ASTN2: variants seen among roughly 807,000 people sequenced by gnomAD.
ASTN2 encodes astrotactin 2.
ASTN2 carries 54 observed loss-of-function variants against 139.8 expected under a neutral mutation model. The observed-to-expected ratio is 0.39, with a 90% CI of 0.31 to 0.48. The LOEUF (loss-of-function observed/expected upper bound fraction) is 0.48. Ranked by LOEUF, ASTN2 falls within the 20% of genes least tolerant of loss-of-function variation. The pLI is 0.95. For synonymous variants in ASTN2, 756 were observed against 719.5 expected, an observed-to-expected ratio of 1.05 and a Z score of -0.81; for missense variants, 1,565 against 1,725.1, an observed-to-expected ratio of 0.91 and a Z score of 1.64.
At chr9:116,583,201 G>C (rs1325838501) in intron 19 of ASTN2, 1 of 152,154 alleles carries the variant, frequency 6.6e-6, no homozygotes, top group African/African-American at 2.4e-5. Context: ...CTTTAATAAA[G>C]TGATTTGTCT....
intron 2 of ASTN2, among the ~76,000 whole-genome samples, chr9:117,280,857 C>T (rs1834307688): frequency 6.6e-6 from 1 of 151,954 alleles, no homozygotes; most frequent in Non-Finnish European, 1.5e-5. Flanking sequence ...CCACAAATAC[C>T]CTATATCTTC....
intron 1 of ASTN2, among the ~76,000 whole-genome samples, chr9:117,320,924 T>A (rs1232250189): frequency 6.6e-6 from 1 of 152,230 alleles, no homozygotes; most frequent in Non-Finnish European, 1.5e-5. Flanking sequence ...ATGTGAAACC[T>A]GCAGAGGCAT....
intron 10 of ASTN2, among the ~76,000 whole-genome samples, chr9:116,885,695 A>T (rs11793010): frequency 0.013 from 2,021 of 152,234 alleles, 19 homozygotes; most frequent in Non-Finnish European, 0.018. Context: ...AAACAAACAA[A>T]AAAAAACCTC....
At chr9:116,560,335 G>T (rs1016469090) in intron 19 of ASTN2, among the ~76,000 whole-genome samples, 1 of 152,148 alleles carries the variant, frequency 6.6e-6, no homozygotes, top group African/African-American at 2.4e-5. Context: ...TAACTGCGGA[G>T]GCAGTGATTA....
intron 17 of ASTN2, among the ~76,000 whole-genome samples, chr9:116,644,997 A>G (rs1292151589): frequency 2.0e-5 from 3 of 152,212 alleles, no homozygotes; most frequent in Non-Finnish European, 4.4e-5. Flanking sequence ...AGCCTAGTTC[A>G]GATTCCTAGT....
At chr9:116,943,898 A>G (rs957945657) in intron 10 of ASTN2, among the ~76,000 whole-genome samples, 8 of 152,244 alleles carry the variant, frequency 5.3e-5, no homozygotes, top group Admixed American at 2.6e-4. Flanking sequence ...GCATAGCTCT[A>G]TGATGAGTAC....
chr9:116,523,456 G>A (rs1850964928), intron 19 of ASTN2, among the ~76,000 whole-genome samples: 2 of 152,130 alleles, frequency 1.3e-5, no homozygotes, highest in Admixed American at 6.6e-5. Flanking sequence ...GGCTGACCTG[G>A]TATAGAAAAA....
chr9:116,819,974 C>G (rs1831439178), intron 12 of ASTN2, among the ~76,000 whole-genome samples: 2 of 152,218 alleles, frequency 1.3e-5, no homozygotes, highest in Non-Finnish European at 2.9e-5. Context: ...CATGACTTGT[C>G]AGAAGTCACT....
At chr9:116,761,234 C>T (rs1829665020) in intron 13 of ASTN2, among the ~76,000 whole-genome samples, 1 of 152,202 alleles carries the variant, frequency 6.6e-6, no homozygotes, top group South Asian at 2.1e-4. Context: ...CAGGCATGAA[C>T]CTAGGCTCTC....
intron 12 of ASTN2, among the ~76,000 whole-genome samples, chr9:116,808,395 C>T (rs745783512): frequency 7.2e-5 from 11 of 152,022 alleles, no homozygotes; most frequent in Admixed American, 5.9e-4. Flanking sequence ...ACACACACAT[C>T]TCATAATAAA....
chr9:117,300,263 C>T (rs1156582093), intron 1 of ASTN2, among the ~76,000 whole-genome samples: 1 of 152,140 alleles, frequency 6.6e-6, no homozygotes, highest in Non-Finnish European at 1.5e-5. Context: ...TCCTTTGTTC[C>T]CTCTAAGCAG....
intron 3 of ASTN2, among the ~76,000 whole-genome samples, chr9:117,145,368 C>T (rs1830171712): frequency 6.6e-6 from 1 of 152,194 alleles, no homozygotes; most frequent in Non-Finnish European, 1.5e-5. Context: ...TCTCCATTTA[C>T]ACTCCCAGAT....
chr9:117,400,354 G>A (rs573578509), intron 1 of ASTN2, among the ~76,000 whole-genome samples: 3 of 152,320 alleles, frequency 2.0e-5, no homozygotes, highest in Admixed American at 6.5e-5. Context: ...CCTTTTGTGG[G>A]GAGGACAGAA....
chr9:116,654,805 G>GAGA (rs1231389356), intron 16 of ASTN2, among the ~76,000 whole-genome samples: 1 of 152,190 alleles, frequency 6.6e-6, no homozygotes, highest in African/African-American at 2.4e-5. Flanking sequence ...TAATTTCACT[G>GAGA]AGAAGAAATA....
intron 16 of ASTN2, among the ~76,000 whole-genome samples, chr9:116,675,083 C>T (rs1056945544): frequency 6.6e-6 from 1 of 152,184 alleles, no homozygotes; most frequent in African/African-American, 2.4e-5. Flanking sequence ...GCTACCTGCT[C>T]ATGGTTCAGT....
At position 117,062,107 on chromosome 9, in the gene ASTN2, A is replaced by G. The variant is rs118077294; in HGVS notation, c.1277-22142T>C. On this transcript the variant is annotated intron_variant, in intron 5 of 22. Coordinates refer to ENST00000313400, the MANE Select transcript of ASTN2 (RefSeq NM_001365068.1). ...CTTCTCCTGTACCACACGATGAATT[A>G]TGTACAACGAGGGGCATGACTTTAT... Among the ~76,000 whole-genome samples the G allele has an allele frequency of 1.4e-3, 206 of 152,274 alleles. 3 individuals carry two copies. In the East Asian group the frequency reaches 0.035, roughly 26 times the overall value.
intron 22 of ASTN2, among the ~76,000 whole-genome samples, chr9:116,430,316 C>A (rs1376859445): frequency 1.3e-5 from 2 of 152,142 alleles, no homozygotes; most frequent in Non-Finnish European, 2.9e-5. Context: ...AAAGGCAAAG[C>A]TAGAACCAGG....
chr9:117,373,915 T>C (rs1406676587), intron 1 of ASTN2, among the ~76,000 whole-genome samples: 1 of 152,178 alleles, frequency 6.6e-6, no homozygotes, highest in Admixed American at 6.5e-5. Context: ...ATAGAGTTAC[T>C]GAAGCACTTA....
intron 4 of ASTN2, among the ~76,000 whole-genome samples, chr9:117,121,819 A>G (rs1381969081): frequency 6.6e-6 from 1 of 152,230 alleles, no homozygotes; most frequent in Non-Finnish European, 1.5e-5. Flanking sequence ...AAGCCAGTTC[A>G]TCTTCACATG....
Sources: allele counts gnomAD v4.1 joint callset (sites outside exome capture counted in the v4.1 genomes callset), GRCh38; gene constraint gnomAD v4.1.1; transcripts MANE v1.5; gene names NCBI Gene and HGNC (gene_info 2026-07-23, HGNC 2026-07-21).